Variants in SLC14A2 observed in about 807,000 individuals in gnomAD.
SLC14A2 encodes solute carrier family 14 member 2, also known as urea transporter 2.
SLC14A2 carries 91 observed loss-of-function variants against 104.6 expected under a neutral mutation model. The ratio of observed to expected loss-of-function variants is 0.87; its 90% CI spans 0.73 to 1.04. SLC14A2 has a LOEUF of 1.04. SLC14A2 is among the 50% of genes least tolerant of loss of function. SLC14A2 has a pLI of 0.00. For missense variants in SLC14A2, 1,189 were observed against 1,156.0 expected (o/e 1.03, Z -0.41); for synonymous variants, 476 against 466.4 (o/e 1.02, Z -0.27).
intron 1 of SLC14A2, among the ~76,000 whole-genome samples, chr18:45,386,101 A>G (rs2085893332): frequency 6.6e-6 from 1 of 152,184 alleles, no homozygotes; most frequent in South Asian, 2.1e-4. Flanking sequence ...GATTCAAATC[A>G]GCAGAGAGAA....
rs369373904 is a variant in SLC14A2 at position 45,411,911 on chromosome 18, G to C, written c.-124-71322G>C. On this transcript the variant is annotated intron_variant, in intron 1 of 20. Coordinates refer to the SLC14A2 transcript ENST00000586448. ...TATCAGCCAGTATCCTGAAACTCCA[G>C]TATTTCAAGGAAGCTTTCCCTGGAG... Among the ~76,000 whole-genome samples, 16 of 152,258 alleles carry C rather than the reference G, an allele frequency of 1.1e-4. No homozygotes were observed. The East Asian group carries it at 2.1e-3, about 20-fold the overall frequency.
chr18:45,366,800 A>C (rs2085670496), intron 1 of SLC14A2, among the ~76,000 whole-genome samples: 1 of 152,340 alleles, frequency 6.6e-6, no homozygotes, highest in East Asian at 1.9e-4. Flanking sequence ...ATACAAAAGC[A>C]TTCAGGCTGC....
In SLC14A2 at chr18:45,584,124, A is replaced by G. The variant is rs953179034; in HGVS notation, c.-34-40507A>G. Among the ~76,000 whole-genome samples the G allele has an allele frequency of 4.6e-5, 7 of 152,366 alleles. 1 individual carries two copies. Among genetic ancestry groups the G allele is most frequent in the Admixed American group, 1.3e-4 (2 of 15,302 alleles). Reference sequence around the variant, plus strand: ...GCTGTATTTGGCTAGTGGCCGCTGTATTAAAACAGTGCAGGGCTAGAATCA... The same window carrying G: ...GCTGTATTTGGCTAGTGGCCGCTGTGTTAAAACAGTGCAGGGCTAGAATCA... On this transcript the variant is annotated intron_variant, in intron 2 of 20. Transcript: ENST00000586448.
intron 1 of SLC14A2, among the ~76,000 whole-genome samples, chr18:45,396,627 G>GTTTT (rs770748424): frequency 8.3e-6 from 1 of 120,684 alleles, no homozygotes; most frequent in African/African-American, 3.3e-5. Context: ...GTTTTTTTTT[G>GTTTT]TTTTTGTTTT....
chr18:45,490,938 C>T (rs546545013), intron 2 of SLC14A2, among the ~76,000 whole-genome samples: 1 of 152,168 alleles, frequency 6.6e-6, no homozygotes, highest in Non-Finnish European at 1.5e-5. Flanking sequence ...CACACCTATT[C>T]AACTGTCAAA....
At chr18:45,620,068 G>C (rs965301552) in intron 1 of SLC14A2, among the ~76,000 whole-genome samples, 1 of 152,164 alleles carries the variant, frequency 6.6e-6, no homozygotes, top group Non-Finnish European at 1.5e-5. Flanking sequence ...TGCATGTCTC[G>C]CCCCCTACCC....
At chr18:45,424,435 G>T (rs564633728) in intron 1 of SLC14A2, among the ~76,000 whole-genome samples, 12 of 152,346 alleles carry the variant, frequency 7.9e-5, no homozygotes, top group African/African-American at 2.9e-4. Context: ...CTAAGGCAAA[G>T]CTAATGGGAA....
intron 1 of SLC14A2, among the ~76,000 whole-genome samples, chr18:45,357,657 G>A (rs972338969): frequency 6.6e-6 from 1 of 152,150 alleles, no homozygotes; most frequent in Admixed American, 6.5e-5. Context: ...TCTGCAGGGT[G>A]TGGAGCCCCT....
intron 2 of SLC14A2, among the ~76,000 whole-genome samples, chr18:45,573,952 C>T (rs117863469): frequency 1.3e-5 from 2 of 152,160 alleles, no homozygotes; most frequent in African/African-American, 2.4e-5. Flanking sequence ...GAGATCAAGG[C>T]AAACTGGATT....
At position 45,641,015 on chromosome 18, in the gene SLC14A2, G is replaced by A. The variant is rs1049192401; in HGVS notation, c.992-194G>A. ...AGCCTGTGGCTTTGACAACTGGTTT[G>A]GAAACCACTGTTCTCTTTTCATTGA... On this transcript the variant is annotated intron_variant, in intron 7 of 19. Transcript: ENST00000255226. 3.3e-5 allele frequency among the ~76,000 whole-genome samples: 5 copies of A among 152,304 alleles called. 1 individual carries two copies. Among genetic ancestry groups the A allele is most frequent in the Admixed American group, 6.5e-5 (1 of 15,298 alleles).
intron 1 of SLC14A2, among the ~76,000 whole-genome samples, chr18:45,341,513 T>C (rs1023632018): frequency 6.6e-6 from 1 of 151,914 alleles, no homozygotes; most frequent in African/African-American, 2.4e-5. Flanking sequence ...GCCACACATG[T>C]TCTCATTTTT....
At chr18:45,351,082 T>A (rs2085498806) in intron 1 of SLC14A2, among the ~76,000 whole-genome samples, 1 of 152,202 alleles carries the variant, frequency 6.6e-6, no homozygotes, top group South Asian at 2.1e-4. Context: ...ATGTGTGTAA[T>A]TGTCTTTGTC....
chr18:45,391,394 A>C (rs2085961939), intron 1 of SLC14A2, among the ~76,000 whole-genome samples: 1 of 152,200 alleles, frequency 6.6e-6, no homozygotes, highest in South Asian at 2.1e-4. Flanking sequence ...ATACGTATGC[A>C]TGTGTCTTTA....
At chr18:45,188,835 A>G in the SLC14A2 span, among the ~76,000 whole-genome samples, 13 of 152,232 alleles carry the variant, frequency 8.5e-5, no homozygotes, top group Admixed American at 8.5e-4. Flanking sequence ...TATTTGGACA[A>G]TTGAGAGTTC....
At chr18:45,643,111 G>C in intron 8 of SLC14A2, 21 bp from the exon 9 acceptor site, 1 of 1,613,826 alleles carries the variant, frequency 6.2e-7, no homozygotes, top group Non-Finnish European at 8.5e-7. Context: ...GCTCACTCTG[G>C]TGATCCTTGT....
At chr18:45,301,061 A>C (rs1769196145) in intron 1 of SLC14A2, among the ~76,000 whole-genome samples, 1 of 152,236 alleles carries the variant, frequency 6.6e-6, no homozygotes, top group Non-Finnish European at 1.5e-5. Context: ...CTATATAAGC[A>C]GATCGTCTGC....
At chr18:45,302,955 C>G (rs2084982677) in intron 1 of SLC14A2, among the ~76,000 whole-genome samples, 1 of 151,964 alleles carries the variant, frequency 6.6e-6, no homozygotes, top group Non-Finnish European at 1.5e-5. Context: ...GCCAGTCTTG[C>G]ATGACAGATG....
At chr18:45,249,049 G>A (rs985329969) in intron 1 of SLC14A2, among the ~76,000 whole-genome samples, 7 of 152,250 alleles carry the variant, frequency 4.6e-5, no homozygotes, top group South Asian at 2.1e-4. Flanking sequence ...AGGAGCCAGC[G>A]TCCTTTGGGG....
intron 1 of SLC14A2, among the ~76,000 whole-genome samples, chr18:45,373,931 G>A (rs999168502): frequency 6.6e-6 from 1 of 152,188 alleles, no homozygotes; most frequent in Non-Finnish European, 1.5e-5. Context: ...AGGATTCATT[G>A]CATGGCTCAA....
Sources: gnomAD v4.1 joint callset for allele counts (sites outside exome capture counted in the v4.1 genomes callset) on GRCh38, gnomAD v4.1.1 for gene constraint, MANE v1.5 for transcripts, NCBI Gene and HGNC (gene_info 2026-07-23, HGNC 2026-07-21) for gene names.